SLC16A10: variants seen among roughly 807,000 people sequenced by gnomAD.
SLC16A10 encodes solute carrier family 16 member 10.
A neutral mutation model predicts 40.0 loss-of-function variants in SLC16A10; 27 were observed. The observed-to-expected ratio is 0.67, with a 90% CI of 0.50 to 0.93. SLC16A10 has a LOEUF of 0.93. Ranked by LOEUF, SLC16A10 falls within the 40% of genes least tolerant of loss-of-function variation. SLC16A10 has a pLI of 0.00. For synonymous variants in SLC16A10, 213 were observed against 249.8 expected, an observed-to-expected ratio of 0.85 and a Z score of 1.39; for missense variants, 529 against 658.2, an observed-to-expected ratio of 0.80 and a Z score of 2.15.
chr6:111,097,482 T>C (rs560605459), intron 1 of SLC16A10, among the ~76,000 whole-genome samples: 2 of 152,016 alleles, frequency 1.3e-5, no homozygotes, highest in East Asian at 3.9e-4. Context: ...TGGCTAATTT[T>C]TTTGTATTTT....
intron 3 of SLC16A10, among the ~76,000 whole-genome samples, chr6:111,188,450 C>G (rs1316123952): frequency 1.3e-5 from 2 of 151,866 alleles, no homozygotes; most frequent in African/African-American, 4.8e-5. Flanking sequence ...TTCTATTTTT[C>G]ATTCAAAAAT....
intron 3 of SLC16A10, chr6:111,178,651 T>C (rs893407999): frequency 4.9e-6 from 1 of 203,996 alleles, no homozygotes; most frequent in Non-Finnish European, 9.9e-6. Flanking sequence ...CTTTTTTCTT[T>C]TGTGGCTGAA....
At chr6:111,134,227 C>G (rs756429869) in intron 1 of SLC16A10, among the ~76,000 whole-genome samples, 1 of 152,142 alleles carries the variant, frequency 6.6e-6, no homozygotes, top group East Asian at 1.9e-4. Context: ...TGCTAACTTG[C>G]GTGCTAGAAG....
intron 1 of SLC16A10, among the ~76,000 whole-genome samples, chr6:111,154,844 A>G (rs1772238440): frequency 6.6e-6 from 1 of 151,904 alleles, no homozygotes; most frequent in Admixed American, 6.6e-5. Context: ...TACAAAAATC[A>G]GAAACCCTGT....
At position 111,096,755 on chromosome 6, in the gene SLC16A10, T is replaced by C. The variant is rs561287003; in HGVS notation, c.343+8660T>C. ...TGAAATACAGATTAGAAATACTGAA[T>C]GTGGACCAAAGCAATGTTTCCTTTG... is the stretch of plus-strand genomic sequence containing the variant. On this transcript the variant is annotated intron_variant, in intron 1 of 5. Coordinates refer to ENST00000368851, the MANE Select transcript of SLC16A10 (RefSeq NM_018593.5). 2.6e-5 allele frequency among the ~76,000 whole-genome samples: 4 copies of C among 152,360 alleles called. No individual in the cohort carries two copies. The East Asian group carries it at 7.7e-4, about 29-fold the overall frequency.
At chr6:111,195,223 G>A (rs904688473) in intron 3 of SLC16A10, among the ~76,000 whole-genome samples, 2 of 152,174 alleles carry the variant, frequency 1.3e-5, no homozygotes, top group African/African-American at 4.8e-5. Flanking sequence ...CCTGGGATAC[G>A]TGCTACAACA....
chr6:111,155,956 A>G (rs1772262889), intron 1 of SLC16A10, among the ~76,000 whole-genome samples: 1 of 152,204 alleles, frequency 6.6e-6, no homozygotes. Flanking sequence ...ATGATAATAT[A>G]TAAGATTAGC....
intron 1 of SLC16A10, among the ~76,000 whole-genome samples, chr6:111,111,258 C>T (rs1468267270): frequency 1.3e-5 from 2 of 152,044 alleles, no homozygotes; most frequent in African/African-American, 2.4e-5. Context: ...ATTTAACATG[C>T]ATAATGTGAT....
intron 1 of SLC16A10, among the ~76,000 whole-genome samples, chr6:111,124,397 TC>T (rs1343796352): frequency 6.6e-6 from 1 of 151,280 alleles, no homozygotes; most frequent in African/African-American, 2.4e-5. Context: ...GCTCTGTTGC[TC>T]AGGCTGGAGT....
chr6:111,170,344 C>G (rs1772562054), intron 1 of SLC16A10, among the ~76,000 whole-genome samples: 1 of 152,126 alleles, frequency 6.6e-6, no homozygotes, highest in African/African-American at 2.4e-5. Flanking sequence ...TTGCTTTTAT[C>G]TAAAAGTAGA....
At chr6:111,177,130 AC>A in intron 2 of SLC16A10, 81 bp from the exon 3 acceptor site, 1 of 1,013,684 alleles carries the variant, frequency 9.9e-7, no homozygotes, top group East Asian at 2.8e-5. Flanking sequence ...ACAAAAACCC[AC>A]TTATACTATA....
Position 111,177,404 on chromosome 6 carries a change from C to A in SLC16A10, c.681C>A (p.Ser227Arg). Reference protein sequence around the residue: ...LPLLLRVLIDSVGLFYTLRVL... With the variant: ...LPLLLRVLIDRVGLFYTLRVL... ...TGCTCTTAAGGGTTCTGATTGACAG[C>A]GTGGGCCTCTTTTACACATTGAGGG... Residue 227 changes from serine to arginine, a missense_variant, in exon 3 of 6, where the codon AGC becomes AGA. Coordinates refer to ENST00000368851, the MANE Select transcript of SLC16A10 (RefSeq NM_018593.5). The A allele has an allele frequency of 6.2e-7, 1 of 1,613,980 alleles. No individual in the cohort carries two copies. Among genetic ancestry groups the A allele is most frequent in the Non-Finnish European group, 8.5e-7 (1 of 1,179,974 alleles).
In SLC16A10 at chr6:111,224,358, G is replaced by C. The variant is rs565436467; in HGVS notation, c.*2123G>C. On this transcript the variant is annotated 3_prime_UTR_variant, in exon 6 of 6. Transcript: ENST00000368851. ...AATTTAAAAATGAAAACTTTACTCT[G>C]TAAAGACCTCTACAGTGTTTTTCTT... 6.6e-6 allele frequency: 1 copy of C among 152,308 alleles called. No individual in the cohort carries two copies. Among genetic ancestry groups the C allele is most frequent in the African/African-American group, 2.4e-5 (1 of 41,586 alleles). 9.4% of individuals were successfully genotyped at this position (152,308 alleles called of 1,614,324 possible).
intron 1 of SLC16A10, among the ~76,000 whole-genome samples, chr6:111,122,051 A>C (rs1432878645): frequency 6.6e-6 from 1 of 152,096 alleles, no homozygotes; most frequent in African/African-American, 2.4e-5. Flanking sequence ...ACTGGGTCAC[A>C]TGGGAGAGGA....
chr6:111,106,538 A>G (rs1482962812), intron 1 of SLC16A10, among the ~76,000 whole-genome samples: 2 of 152,196 alleles, frequency 1.3e-5, no homozygotes, highest in Non-Finnish European at 2.9e-5. Context: ...AGAATGGGTT[A>G]TGGAAGAACG....
chr6:111,163,596 T>TA (rs1457865742), intron 1 of SLC16A10, among the ~76,000 whole-genome samples: 1 of 152,238 alleles, frequency 6.6e-6, no homozygotes, highest in Non-Finnish European at 1.5e-5. Context: ...CAATCCCACA[T>TA]AACTAAACAT....
intron 3 of SLC16A10, chr6:111,178,544 C>G: frequency 2.5e-6 from 1 of 397,292 alleles, no homozygotes; most frequent in Admixed American, 3.8e-5. Flanking sequence ...GACTTCATCC[C>G]TACCTGGGGA....
At chr6:111,170,668 G>A (rs188289665) in intron 1 of SLC16A10, among the ~76,000 whole-genome samples, 19 of 151,894 alleles carry the variant, frequency 1.3e-4, no homozygotes, top group African/African-American at 4.6e-4. Context: ...AGGCTGGTCT[G>A]GAACTCCTGA....
chr6:111,155,426 C>T (rs540979706), intron 1 of SLC16A10, among the ~76,000 whole-genome samples: 4 of 151,984 alleles, frequency 2.6e-5, no homozygotes, highest in Non-Finnish European at 4.4e-5. Flanking sequence ...TCTCAAACTC[C>T]TGGCCTCAAG....
Sources: gnomAD v4.1 joint callset for allele counts (sites outside exome capture counted in the v4.1 genomes callset) on GRCh38, gnomAD v4.1.1 for gene constraint, MANE v1.5 for transcripts, NCBI Gene and HGNC (gene_info 2026-07-23, HGNC 2026-07-21) for gene names.